The following STK32B variants were observed in gnomAD, a reference collection of about 807,000 sequenced individuals.
STK32B encodes serine/threonine-protein kinase 32B.
A neutral mutation model predicts 52.6 loss-of-function variants in STK32B; 43 were observed. The ratio of observed to expected loss-of-function variants is 0.82; its 90% CI spans 0.64 to 1.05. The LOEUF is 1.05. STK32B is among the 50% of genes least tolerant of loss of function. The pLI, the probability that STK32B is intolerant of heterozygous loss-of-function variation, is 0.00. For missense variants in STK32B, 621 were observed against 534.6 expected (o/e 1.16, Z -1.59); for synonymous variants, 238 against 204.3 (o/e 1.17, Z -1.41).
At chr4:5,139,837 A>T in intron 1 of STK32B, 68 bp from the exon 2 acceptor site, 1 of 1,583,816 alleles carries the variant, frequency 6.3e-7, no homozygotes. Flanking sequence ...TACATAGGTA[A>T]GGATATTCAA....
chr4:5,418,363 A>C (rs1234608748), intron 6 of STK32B, among the ~76,000 whole-genome samples: 3 of 152,220 alleles, frequency 2.0e-5, no homozygotes, highest in Non-Finnish European at 4.4e-5. Context: ...TATCATATGC[A>C]TGAGTTTTAT....
intron 1 of STK32B, among the ~76,000 whole-genome samples, chr4:5,052,244 T>G (rs1176238484): frequency 6.6e-6 from 1 of 151,976 alleles, no homozygotes; most frequent in Non-Finnish European, 1.5e-5. Flanking sequence ...GGTTCTAGGC[T>G]CGGGCTCCCC....
At chr4:5,368,032 C>T (rs557973016) in intron 4 of STK32B, among the ~76,000 whole-genome samples, 1 of 152,134 alleles carries the variant, frequency 6.6e-6, no homozygotes, top group Admixed American at 6.5e-5. Context: ...CTCTGAGATA[C>T]CCACCCCCGA....
intron 3 of STK32B, among the ~76,000 whole-genome samples, chr4:5,190,379 C>G (rs1184225858): frequency 1.3e-5 from 2 of 152,156 alleles, no homozygotes; most frequent in East Asian, 1.9e-4. Context: ...CTTTGCTTCT[C>G]CATTTTGCAG....
At chr4:5,205,363 T>C (rs1196802251) in intron 3 of STK32B, among the ~76,000 whole-genome samples, 2 of 152,190 alleles carry the variant, frequency 1.3e-5, no homozygotes, top group Non-Finnish European at 2.9e-5. Flanking sequence ...AGTAAATCTC[T>C]TGTATCTATG....
intron 6 of STK32B, among the ~76,000 whole-genome samples, chr4:5,442,866 C>T (rs1714929689): frequency 6.6e-6 from 1 of 152,120 alleles, no homozygotes; most frequent in African/African-American, 2.4e-5. Flanking sequence ...ACTGATGAAG[C>T]TTAGTTTGGC....
rs1490395987 is a variant in STK32B at position 5,120,428 on chromosome 4, C to T, written c.53-19477C>T. The stretch of plus-strand genomic sequence containing the variant: ...AAAGAGGGAGAAAGCATTCACATAA[C>T]GTTTATTACTGTATACTGTTATAAT... On this transcript the variant is annotated intron_variant, in intron 1 of 11. Transcript: ENST00000282908. 2.0e-5 allele frequency among the ~76,000 whole-genome samples: 3 copies of T among 152,066 alleles called. No homozygotes were observed. The East Asian group carries it at 5.8e-4, about 29-fold the overall frequency.
chr4:5,040,480 G>A, the STK32B span, among the ~76,000 whole-genome samples: 306 of 145,406 alleles, frequency 2.1e-3, no homozygotes, highest in African/African-American at 6.1e-3. Context: ...TGCAACCTCC[G>A]CCTCCTGGGT....
At chr4:5,177,858 C>T (rs979164013) in intron 3 of STK32B, among the ~76,000 whole-genome samples, 2 of 152,224 alleles carry the variant, frequency 1.3e-5, no homozygotes, top group Admixed American at 1.3e-4. Context: ...GAGTTGGGCT[C>T]CCCAGGCCTT....
At chr4:5,491,062 G>A (rs1182230582) in intron 11 of STK32B, among the ~76,000 whole-genome samples, 1 of 152,192 alleles carries the variant, frequency 6.6e-6, no homozygotes, top group Non-Finnish European at 1.5e-5. Flanking sequence ...ATAGCAGCAT[G>A]ATTTATAGTC....
intron 7 of STK32B, 86 bp downstream of exon 7, chr4:5,446,862 CGCGGT>C: frequency 7.3e-7 from 1 of 1,367,904 alleles, no homozygotes; most frequent in East Asian, 2.4e-5. Flanking sequence ...CGGCAGGGCC[CGCGGT>C]GCAGGAAGGA....
the STK32B span, among the ~76,000 whole-genome samples, chr4:5,033,767 C>T: frequency 2.3e-3 from 351 of 152,262 alleles, 4 homozygotes; most frequent in Non-Finnish European, 1.8e-3. Flanking sequence ...ATACTTGAAA[C>T]GCTGAGGCTG....
chr4:5,444,799 C>T (rs542471025), intron 6 of STK32B, among the ~76,000 whole-genome samples: 9 of 152,304 alleles, frequency 5.9e-5, no homozygotes, highest in African/African-American at 1.4e-4. Context: ...TATCTACATT[C>T]TACACAACTG....
chr4:5,333,426 T>C (rs1732410541), intron 4 of STK32B, among the ~76,000 whole-genome samples: 2 of 152,336 alleles, frequency 1.3e-5, no homozygotes, highest in South Asian at 4.1e-4. Context: ...ATTTTGTAGG[T>C]TGCCTGTTCA....
chr4:5,253,912 C>G (rs1016029297), intron 3 of STK32B, among the ~76,000 whole-genome samples: 2 of 152,148 alleles, frequency 1.3e-5, no homozygotes, highest in Admixed American at 6.5e-5. Context: ...AGGCCCCAGA[C>G]TAGGAACTGC....
At chr4:5,388,953 G>A (rs1050937555) in intron 4 of STK32B, among the ~76,000 whole-genome samples, 27 of 152,134 alleles carry the variant, frequency 1.8e-4, no homozygotes, top group African/African-American at 6.5e-4. Flanking sequence ...CTTTTGAACT[G>A]AATTAATCAT....
chr4:5,446,813 G>C (rs370773455), intron 7 of STK32B, 37 bp downstream of exon 7: 3 of 1,599,368 alleles, frequency 1.9e-6, no homozygotes, highest in African/African-American at 1.3e-5. Context: ...ACGAGGGGCT[G>C]TGCAGTGGGG....
chr4:5,195,701 G>A (rs1283434593), intron 3 of STK32B, among the ~76,000 whole-genome samples: 1 of 152,062 alleles, frequency 6.6e-6, no homozygotes, highest in Non-Finnish European at 1.5e-5. Context: ...AAAGAATATT[G>A]GAAAGTGATT....
intron 3 of STK32B, among the ~76,000 whole-genome samples, chr4:5,315,549 A>G (rs1419984980): frequency 6.6e-6 from 1 of 152,132 alleles, no homozygotes; most frequent in African/African-American, 2.4e-5. Flanking sequence ...ATGGATGCAT[A>G]TATTGTAAAA....
Sources: allele counts gnomAD v4.1 joint callset (sites outside exome capture counted in the v4.1 genomes callset), GRCh38; gene constraint gnomAD v4.1.1; transcripts MANE v1.5; gene names NCBI Gene and HGNC (gene_info 2026-07-23, HGNC 2026-07-21).